Variants in LYPD6 observed in about 807,000 individuals in gnomAD.
The protein encoded by LYPD6 is ly6/PLAUR domain-containing protein 6.
Under a neutral mutation model 22.7 loss-of-function variants are expected in LYPD6, and 15 were observed. That is an observed-to-expected ratio of 0.66 (90% confidence interval 0.44 to 1.02). The LOEUF (loss-of-function observed/expected upper bound fraction) is 1.02, where lower values mean the gene tolerates loss of function less well. Among genes scored for constraint, LYPD6 ranks in the 50% least tolerant of loss-of-function variants. The pLI is 0.00. For missense variants in LYPD6, 189 were observed against 208.4 expected (o/e 0.91, Z 0.57); for synonymous variants, 72 against 77.5 (o/e 0.93, Z 0.37).
intron 3 of LYPD6, among the ~76,000 whole-genome samples, chr2:149,460,008 T>A (rs940876505): frequency 1.3e-5 from 2 of 152,056 alleles, no homozygotes; most frequent in African/African-American, 4.8e-5. Flanking sequence ...GCCAGCAGGA[T>A]GTGATAAGTT....
At chr2:149,401,408 C>G (rs1387557584) in intron 1 of LYPD6, among the ~76,000 whole-genome samples, 1 of 152,232 alleles carries the variant, frequency 6.6e-6, no homozygotes, top group African/African-American at 2.4e-5. Flanking sequence ...GGAGCCTTCA[C>G]CATTCCCCTC....
chr2:149,330,494 C>A (rs1212055914), upstream of LYPD6: 1 of 149,138 alleles, frequency 6.7e-6, no homozygotes, highest in Non-Finnish European at 1.5e-5. Context: ...CGAGGCCGGG[C>A]CGGCCGCGGC....
At chr2:149,397,807 G>C (rs957483245) in intron 1 of LYPD6, among the ~76,000 whole-genome samples, 1 of 152,170 alleles carries the variant, frequency 6.6e-6, no homozygotes, top group Non-Finnish European at 1.5e-5. Context: ...TAGGCAAGCT[G>C]TTATTTTTAT....
Position 149,441,945 on chromosome 2 carries a change from G to A in LYPD6, c.118+4119G>A, listed in dbSNP as rs762087777. Among the ~76,000 whole-genome samples, 86 of 152,168 alleles carry A rather than the reference G, an allele frequency of 5.7e-4. 2 individuals carry two copies. Among genetic ancestry groups the A allele is most frequent in the Non-Finnish European group, 1.3e-4 (9 of 68,000 alleles). On this transcript the variant is annotated intron_variant, in intron 2 of 4. Coordinates refer to ENST00000334166, the MANE Select transcript of LYPD6 (RefSeq NM_194317.5). ...CACCAAAGAGCTGTATTCCTGTGGG[G>A]GCTTGTTTGTGCCCATGTAGAGAGC... is the stretch of plus-strand genomic sequence containing the variant.
At chr2:149,449,176 C>A (rs747195794) in intron 3 of LYPD6, 29 bp downstream of exon 3, 1 of 1,539,662 alleles carries the variant, frequency 6.5e-7, no homozygotes, top group Non-Finnish European at 8.9e-7. Context: ...GATTGGGGTC[C>A]CCTGGGCTGT....
intron 1 of LYPD6, among the ~76,000 whole-genome samples, chr2:149,368,693 G>C (rs1286837743): frequency 6.6e-6 from 1 of 152,188 alleles, no homozygotes; most frequent in Non-Finnish European, 1.5e-5. Flanking sequence ...GATTGGAGGG[G>C]TGTTAGGCGA....
intron 3 of LYPD6, among the ~76,000 whole-genome samples, chr2:149,457,021 G>A (rs888999534): frequency 6.6e-5 from 10 of 152,058 alleles, no homozygotes; most frequent in Admixed American, 2.0e-4. Context: ...TCATTCTGTC[G>A]CTAATTGACA....
chr2:149,335,136 A>AT (rs796997151), intron 1 of LYPD6, among the ~76,000 whole-genome samples: 3,004 of 148,326 alleles, frequency 0.02, 106 homozygotes, highest in African/African-American at 0.069. Context: ...ACTCCTACTT[A>AT]TTTTTTTTTT....
intron 1 of LYPD6, among the ~76,000 whole-genome samples, chr2:149,388,156 C>G (rs1351563368): frequency 6.8e-6 from 1 of 148,088 alleles, no homozygotes; most frequent in Non-Finnish European, 1.5e-5. Flanking sequence ...ATATGTGTAA[C>G]TACCTTTCTT....
intron 1 of LYPD6, among the ~76,000 whole-genome samples, chr2:149,352,584 G>C (rs17348169): frequency 0.28 from 42,560 of 152,060 alleles, 6,557 homozygotes; most frequent in Middle Eastern, 0.37. Context: ...GGTAGAGCAG[G>C]GGTCAGTCAA....
chr2:149,378,740 T>C (rs1282303625), intron 1 of LYPD6, among the ~76,000 whole-genome samples: 1 of 152,126 alleles, frequency 6.6e-6, no homozygotes, highest in African/African-American at 2.4e-5. Flanking sequence ...CACCCTACAA[T>C]TGCCACATGA....
intron 1 of LYPD6, among the ~76,000 whole-genome samples, chr2:149,427,745 T>C (rs1389374710): frequency 6.6e-6 from 1 of 152,260 alleles, no homozygotes; most frequent in African/African-American, 2.4e-5. Context: ...CTATACCATC[T>C]GGGCTTGTAT....
intron 1 of LYPD6, among the ~76,000 whole-genome samples, chr2:149,381,023 G>A (rs1259203125): frequency 6.6e-6 from 1 of 152,194 alleles, no homozygotes; most frequent in Non-Finnish European, 1.5e-5. Context: ...TGAGAACTGA[G>A]CAGTATATTG....
intron 1 of LYPD6, among the ~76,000 whole-genome samples, chr2:149,373,520 G>A (rs986069786): frequency 2.0e-5 from 3 of 152,110 alleles, no homozygotes; most frequent in African/African-American, 7.2e-5. Context: ...AGGGATGAAA[G>A]GGGAGTACAA....
At chr2:149,406,136 G>A (rs2105115436) in intron 1 of LYPD6, among the ~76,000 whole-genome samples, 1 of 149,916 alleles carries the variant, frequency 6.7e-6, no homozygotes, top group East Asian at 2.0e-4. Flanking sequence ...CATTTGCTGA[G>A]GAGAGCTTTA....
At chr2:149,452,339 T>C (rs942413645) in intron 3 of LYPD6, among the ~76,000 whole-genome samples, 26 of 152,136 alleles carry the variant, frequency 1.7e-4, no homozygotes, top group African/African-American at 6.3e-4. Context: ...TTCCCACGAG[T>C]CTTCTGCTCT....
downstream of LYPD6, among the ~76,000 whole-genome samples, chr2:149,474,330 C>T (rs1681414261): frequency 6.6e-6 from 1 of 152,012 alleles, no homozygotes; most frequent in African/African-American, 2.4e-5. Flanking sequence ...TCCCGAGTAG[C>T]TGGGACTACA....
intron 1 of LYPD6, among the ~76,000 whole-genome samples, chr2:149,390,534 T>C (rs991759030): frequency 1.3e-5 from 2 of 152,254 alleles, no homozygotes; most frequent in African/African-American, 4.8e-5. Context: ...TCTGTCCTAC[T>C]TAGAGACAGC....
chr2:149,470,613 C>A, intron 4 of LYPD6, 70 bp from the exon 5 acceptor site: 1 of 1,413,374 alleles, frequency 7.1e-7, no homozygotes, highest in Non-Finnish European at 9.9e-7. Context: ...GGCGACAGTG[C>A]CTTCAAAAAC....
Sources: allele counts gnomAD v4.1 joint callset (sites outside exome capture counted in the v4.1 genomes callset), GRCh38; gene constraint gnomAD v4.1.1; transcripts MANE v1.5; gene names NCBI Gene and HGNC (gene_info 2026-07-23, HGNC 2026-07-21).